Variants in RLF observed in about 807,000 individuals in gnomAD.
The protein encoded by RLF is zinc finger protein Rlf.
RLF carries 7 observed loss-of-function variants against 162.9 expected under a neutral mutation model. That is an observed-to-expected ratio of 0.04 (90% CI 0.02 to 0.08). RLF has a LOEUF of 0.08. Among genes scored for constraint, RLF ranks in the 10% least tolerant of loss-of-function variants. The pLI, the probability that RLF is intolerant of heterozygous loss-of-function variation, is 1.00. For missense variants in RLF, 1,664 were observed against 2,244.7 expected (o/e 0.74, Z 5.23); for synonymous variants, 782 against 791.5 (o/e 0.99, Z 0.20).
At chr1:40,193,879 C>T (rs1034156045) in intron 3 of RLF, among the ~76,000 whole-genome samples, 1 of 151,952 alleles carries the variant, frequency 6.6e-6, no homozygotes, top group African/African-American at 2.4e-5. Context: ...TATTCTTATG[C>T]CTGTGAACAT....
In RLF at chr1:40,161,472, G is replaced by A. The variant is rs948129347; in HGVS notation, c.73G>A (p.Gly25Arg). ...TGAGGCTCCGGCGGTAGCGGGAGCC[G>A]GAGATGGAGTCGAGACTGAGTCCAT... ...GAEAPAVAGAGDGVETESMVR... is the reference protein window; with the variant it reads ...GAEAPAVAGARDGVETESMVR... Residue 25 changes from glycine (G) to arginine (R), a missense_variant, in exon 1 of 8, where the codon GGA becomes AGA. Physicochemically the swap from Gly to Arg is moderately radical, Grantham distance 125. Transcript: ENST00000372771. The surrounding 1 kb of genome is among the most constrained non-coding windows in gnomAD (Gnocchi z 4.4). 4 of 1,579,414 alleles carry A rather than the reference G, an allele frequency of 2.5e-6. No homozygotes were observed. Among genetic ancestry groups the A allele is most frequent in the Non-Finnish European group, 3.4e-6 (4 of 1,164,754 alleles).
chr1:40,188,031 G>A (rs954410255), intron 1 of RLF, among the ~76,000 whole-genome samples: 3 of 152,204 alleles, frequency 2.0e-5, no homozygotes, highest in African/African-American at 7.2e-5. Flanking sequence ...CAGTCAGACA[G>A]AATGTGTATT....
chr1:40,162,369 A>G (rs1387562688), intron 1 of RLF, among the ~76,000 whole-genome samples: 2 of 151,926 alleles, frequency 1.3e-5, no homozygotes, highest in African/African-American at 2.4e-5. Flanking sequence ...CTATGATTAC[A>G]TATTTATGGG....
rs1220569497 is a variant in RLF at position 40,240,230 on chromosome 1, T to C, written c.5528T>C (p.Ile1843Thr). ...ACAATTCATGAGAACCTGACTGCAA[T>C]CCCACCTTTAATAGTAGCTGAAACA... ...DSTIHENLTA[I>T]PPLIVAETTT... Residue 1843 changes from isoleucine to threonine, a missense_variant, in exon 8 of 8, where the codon ATC becomes ACC. Around this residue, in one of 15 missense-constraint regions of RLF, gnomAD observed 327 missense variants for 342.7 expected, o/e 0.95. Transcript: ENST00000372771. 1.2e-6 allele frequency: 2 copies of C among 1,614,074 alleles called. No homozygotes were observed. Among genetic ancestry groups the C allele is most frequent in the Non-Finnish European group, 1.7e-6 (2 of 1,180,044 alleles).
At chr1:40,185,843 C>CAAAAAAAAAAAAAAAAAAAAAAA (rs33982008) in intron 1 of RLF, among the ~76,000 whole-genome samples, 2 of 67,524 alleles carry the variant, frequency 3.0e-5, no homozygotes, top group African/African-American at 1.2e-4. Flanking sequence ...AAAAAAAAAG[C>CAAAAAAAAAAAAAAAAAAAAAAA]AAAAAAAAAA....
At chr1:40,214,563 T>C (rs1642899692) in intron 5 of RLF, among the ~76,000 whole-genome samples, 1 of 151,992 alleles carries the variant, frequency 6.6e-6, no homozygotes, top group African/African-American at 2.4e-5. Context: ...AATACACAAA[T>C]ACAGAATCTG....
rs1642078997 is a variant in RLF at position 40,161,390 on chromosome 1, C to T, written c.-10C>T. 4 of 1,523,880 alleles carry T rather than the reference C, an allele frequency of 2.6e-6. No homozygotes were observed. The highest frequency in any genetic ancestry group is 2.6e-5 in the South Asian group (2 of 78,428). The allele number at this position is 1,523,880 out of a possible 1,614,324, so 94.4% of individuals were successfully genotyped here. A position where few individuals can be genotyped will look rare whatever the true frequency, so the allele number is the denominator to read the frequency against. ...GCTTGGTTGCCTACGCGCTGGTGGG[C>T]CGTGGGAAGATGGCGGACGGAAAGG... On this transcript the variant is annotated 5_prime_UTR_variant, in exon 1 of 8. Transcript: ENST00000372771. The surrounding 1 kb of genome is among the most constrained non-coding windows in gnomAD (Gnocchi z 4.4).
intron 1 of RLF, among the ~76,000 whole-genome samples, chr1:40,170,255 T>C (rs1367822847): frequency 6.6e-6 from 1 of 151,940 alleles, no homozygotes; most frequent in Non-Finnish European, 1.5e-5. Context: ...CTTTTTTTTG[T>C]TTTTTGGTTT....
At chr1:40,215,186 C>T (rs61781775) in intron 5 of RLF, among the ~76,000 whole-genome samples, 7,913 of 152,112 alleles carry the variant, frequency 0.052, 604 homozygotes, top group African/African-American at 0.17. Flanking sequence ...ACAATTCAAA[C>T]ATGAGAGTTG....
At chr1:40,195,257 T>A (rs1642618090) in intron 3 of RLF, among the ~76,000 whole-genome samples, 1 of 151,814 alleles carries the variant, frequency 6.6e-6, no homozygotes, top group Admixed American at 6.6e-5. Flanking sequence ...AAGACCAGCC[T>A]GGCCAAGATG....
At position 40,186,556 on chromosome 1, in the gene RLF, C is replaced by T. The variant is rs368856920; in HGVS notation, c.238-2499C>T. Among the ~76,000 whole-genome samples the T allele has an allele frequency of 1.5e-3, 229 of 152,248 alleles. 1 individual carries two copies. The highest frequency in any genetic ancestry group is 3.7e-3 in the Admixed American group (57 of 15,294). ...TGGTGGCAAGAGCGTTCTAAGTGGA[C>T]AGGTGGATTGTGGAAAGACTAACCC... On this transcript the variant is annotated intron_variant, in intron 1 of 7. Coordinates refer to ENST00000372771, the MANE Select transcript of RLF (RefSeq NM_012421.4).
chr1:40,180,737 CTTGT>C lies in RLF; in HGVS notation c.238-8311_238-8308del, dbSNP rs199921282. On this transcript the variant is annotated intron_variant, in intron 1 of 7. Transcript: ENST00000372771. ...AGTCTTCTGCCCAATTTTTAATTGG[CTTGT>C]TTGTTTTGTGTTGTTGAGTTTTAGG... Among the ~76,000 whole-genome samples the C allele has an allele frequency of 7.2e-5, 11 of 152,096 alleles. No individual in the cohort carries two copies. In the East Asian group the frequency reaches 1.5e-3, roughly 21 times the overall value.
At chr1:40,212,599 G>A (rs187399377) in intron 5 of RLF, among the ~76,000 whole-genome samples, 5 of 152,298 alleles carry the variant, frequency 3.3e-5, no homozygotes, top group Admixed American at 2.6e-4. Flanking sequence ...AAGAGCTCAA[G>A]AAATCTGTCA....
chr1:40,180,523 A>G (rs992519186), intron 1 of RLF, among the ~76,000 whole-genome samples: 5 of 152,094 alleles, frequency 3.3e-5, no homozygotes, highest in East Asian at 1.9e-4. Flanking sequence ...TGGCTTCCCA[A>G]CGTGCTGAGA....
chr1:40,222,514 A>G (rs1643013370), intron 5 of RLF, 60 bp from the exon 6 acceptor site: 3 of 1,571,878 alleles, frequency 1.9e-6, no homozygotes, highest in South Asian at 1.2e-5. Flanking sequence ...CACCTTATAT[A>G]ACAAAGTTTA....
chr1:40,239,260 T>G lies in RLF; in HGVS notation c.4558T>G (p.Leu1520Val). 6.2e-7 allele frequency: 1 copy of G among 1,614,030 alleles called. No homozygotes were observed. The highest frequency in any genetic ancestry group is 8.5e-7 in the Non-Finnish European group (1 of 1,180,014). ...SFNAKSKKCG[L>V]IKEKKAPISF... ...TAATGCTAAGTCTAAAAAATGTGGC[T>G]TAATCAAAGAAAAGAAAGCCCCAAT... Residue 1520 changes from leucine to valine, a missense_variant, in exon 8 of 8, where the codon TTA becomes GTA. Leu to Val is a conservative substitution (Grantham distance 32). This residue lies in a region of RLF where 200 missense variants were observed against 207.3 expected (regional missense o/e 0.96). Coordinates refer to ENST00000372771, the MANE Select transcript of RLF (RefSeq NM_012421.4).
chr1:40,167,629 C>A (rs1173534320), intron 1 of RLF, among the ~76,000 whole-genome samples: 1 of 151,972 alleles, frequency 6.6e-6, no homozygotes, highest in African/African-American at 2.4e-5. Context: ...TACTTGTCAC[C>A]TTTCCCAGTG....
In RLF at chr1:40,234,181, C is replaced by T. The variant is rs1643188552; in HGVS notation, c.1090-1611C>T. ...GCCCTGCTGGTCTTAAACTCCATGCCTCAAGTGATGTGCCTGCCTCGGCCT... is the reference window on the plus strand; with the variant it reads ...GCCCTGCTGGTCTTAAACTCCATGCTTCAAGTGATGTGCCTGCCTCGGCCT... On this transcript the variant is annotated intron_variant, in intron 7 of 7. Coordinates refer to ENST00000372771, the MANE Select transcript of RLF (RefSeq NM_012421.4). Among the ~76,000 whole-genome samples the T allele has an allele frequency of 2.0e-5, 3 of 152,276 alleles. No homozygotes were observed. In the East Asian group the frequency reaches 5.8e-4, roughly 29 times the overall value.
intron 3 of RLF, among the ~76,000 whole-genome samples, chr1:40,194,579 C>A (rs1441026947): frequency 6.6e-6 from 1 of 150,750 alleles, no homozygotes; most frequent in Non-Finnish European, 1.5e-5. Flanking sequence ...GAGCAAAACT[C>A]CATCTCCAAA....
Sources: gnomAD v4.1 joint callset for allele counts (sites outside exome capture counted in the v4.1 genomes callset) on GRCh38, gnomAD v4.1.1 for gene constraint, gnomAD v4.1.1 regional missense constraint, Gnocchi (gnomAD v3.1) non-coding constraint, MANE v1.5 for transcripts, NCBI Gene and HGNC (gene_info 2026-07-23, HGNC 2026-07-21) for gene names.